Variants in CRY1 observed in about 807,000 individuals in gnomAD.
CRY1 encodes cryptochrome circadian regulator 1, also known as cryptochrome-1.
CRY1 carries 45 observed loss-of-function variants against 76.0 expected under a neutral mutation model. That is an observed-to-expected ratio of 0.59 (90% CI 0.47 to 0.76). The LOEUF is 0.76. Among genes scored for constraint, CRY1 ranks in the 30% least tolerant of loss-of-function variants. The probability of loss-of-function intolerance (pLI) is 0.00; values close to 1 mark genes in which losing one functional copy is unlikely to be tolerated. For synonymous variants in CRY1, 248 were observed against 244.0 expected (o/e 1.02, Z -0.15); for missense variants, 587 against 716.4 (o/e 0.82, Z 2.06).
At chr12:107,014,935 T>C (rs1215747170) in intron 2 of CRY1, among the ~76,000 whole-genome samples, 3 of 152,156 alleles carry the variant, frequency 2.0e-5, no homozygotes, top group African/African-American at 7.2e-5. Flanking sequence ...TAGAGCACAG[T>C]AGTGCAATCT....
At chr12:107,092,345 G>T (rs1367107142) in intron 1 of CRY1, among the ~76,000 whole-genome samples, 4 of 152,158 alleles carry the variant, frequency 2.6e-5, no homozygotes, top group African/African-American at 7.2e-5. Context: ...GTAACCTCAA[G>T]GTGGAAGAAC....
intron 2 of CRY1, among the ~76,000 whole-genome samples, chr12:107,011,786 T>C (rs1380386926): frequency 6.6e-6 from 1 of 152,238 alleles, no homozygotes; most frequent in East Asian, 1.9e-4. Flanking sequence ...TCCAGATCTA[T>C]CTAAGATAAT....
At chr12:107,023,270 G>A (rs7973608) in intron 1 of CRY1, among the ~76,000 whole-genome samples, 6,610 of 152,198 alleles carry the variant, frequency 0.043, 273 homozygotes, top group African/African-American at 0.11. Flanking sequence ...AATTCTAGAA[G>A]TGCACTATCT....
chr12:107,009,601 T>TAA (rs56372800), intron 2 of CRY1, among the ~76,000 whole-genome samples: 1 of 18,316 alleles, frequency 5.5e-5, no homozygotes, highest in Non-Finnish European at 9.9e-5. Flanking sequence ...TATATATATA[T>TAA]AAAATCTCTA....
chr12:107,060,598 TC>T (rs1953034375), intron 1 of CRY1, among the ~76,000 whole-genome samples: 1 of 152,186 alleles, frequency 6.6e-6, no homozygotes, highest in African/African-American at 2.4e-5. Flanking sequence ...AAGTTAAATA[TC>T]CTACCCAGGT....
At chr12:107,080,565 A>G (rs1593543606) in intron 1 of CRY1, among the ~76,000 whole-genome samples, 2 of 152,088 alleles carry the variant, frequency 1.3e-5, no homozygotes, top group East Asian at 3.9e-4. Flanking sequence ...GAACACTAAT[A>G]GCGCTGGCAG....
At chr12:107,001,254 T>C in intron 5 of CRY1, 26 bp downstream of exon 5, 2 of 1,527,158 alleles carry the variant, frequency 1.3e-6, no homozygotes, top group Admixed American at 1.9e-5. Context: ...AATACAAGCA[T>C]AGCTATATAA....
intron 1 of CRY1, among the ~76,000 whole-genome samples, chr12:107,077,321 G>GA (rs1394037581): frequency 6.6e-6 from 1 of 152,154 alleles, no homozygotes; most frequent in Non-Finnish European, 1.5e-5. Context: ...TTAGTGGTGT[G>GA]AAAGTTTCCT....
intron 4 of CRY1, 124 bp downstream of exon 4, chr12:107,001,640 C>T: frequency 3.6e-6 from 3 of 842,080 alleles, no homozygotes; most frequent in South Asian, 4.1e-5. Context: ...TTTTCTTCTC[C>T]CCCTGCCCTT....
intron 1 of CRY1, among the ~76,000 whole-genome samples, chr12:107,083,651 C>T (rs1316908071): frequency 2.6e-5 from 4 of 152,120 alleles, no homozygotes; most frequent in Admixed American, 6.6e-5. Flanking sequence ...CCGCTTCATG[C>T]TAAAAACTCT....
At chr12:107,058,265 TA>T (rs1490556090) in intron 1 of CRY1, among the ~76,000 whole-genome samples, 2 of 152,044 alleles carry the variant, frequency 1.3e-5, no homozygotes, top group Non-Finnish European at 2.9e-5. Context: ...TAGCACCTGG[TA>T]AATACATACA....
At chr12:107,092,564 A>C (rs971746470) in intron 1 of CRY1, among the ~76,000 whole-genome samples, 1 of 152,222 alleles carries the variant, frequency 6.6e-6, no homozygotes, top group Non-Finnish European at 1.5e-5. Flanking sequence ...GAGGAGCTCC[A>C]GTTAGCACAG....
chr12:107,044,036 T>C (rs1412301440), intron 1 of CRY1, among the ~76,000 whole-genome samples: 1 of 152,136 alleles, frequency 6.6e-6, no homozygotes, highest in East Asian at 1.9e-4. Context: ...GGCTGCTAGA[T>C]GGTACCTGAG....
rs924802935 is a variant in CRY1, at chr12:106,991,603, A to G, written c.*399T>C. 2 of 152,628 alleles carry G rather than the reference A, an allele frequency of 1.3e-5. No homozygotes were observed. The highest frequency in any genetic ancestry group is 1.3e-4 in the Admixed American group (2 of 15,278). 9.5% of individuals were successfully genotyped at this position (152,628 alleles called of 1,614,324 possible). A position where few individuals can be genotyped will look rare whatever the true frequency, so the allele number is the denominator to read the frequency against. ...AGTTAGATCAAACAACATCAAGAAAATTCTGTCCTAAAATTTTAACGTCTT... is the reference window on the plus strand; with the variant it reads ...AGTTAGATCAAACAACATCAAGAAAGTTCTGTCCTAAAATTTTAACGTCTT... On this transcript the variant is annotated 3_prime_UTR_variant, in exon 13 of 13. Transcript: ENST00000008527.
intron 1 of CRY1, among the ~76,000 whole-genome samples, chr12:107,022,532 T>C (rs1271706586): frequency 6.6e-6 from 1 of 152,024 alleles, no homozygotes; most frequent in Non-Finnish European, 1.5e-5. Flanking sequence ...ATTTTCTGTA[T>C]GAAAATGGCT....
intron 2 of CRY1, among the ~76,000 whole-genome samples, chr12:107,010,223 T>C (rs886217080): frequency 1.3e-5 from 2 of 152,318 alleles, no homozygotes; most frequent in South Asian, 2.1e-4. Context: ...TCTAGTGATG[T>C]CCTCTTTCTT....
At position 107,056,904 on chromosome 12, in the gene CRY1, A is replaced by G. The variant is rs140077456; in HGVS notation, c.159-34712T>C. Among the ~76,000 whole-genome samples the G allele has an allele frequency of 3.3e-5, 5 of 152,314 alleles. No individual in the cohort carries two copies. In the East Asian group the frequency reaches 7.7e-4, roughly 23 times the overall value. On this transcript the variant is annotated intron_variant, in intron 1 of 12. Transcript: ENST00000008527. ...AACCTAAAATTCTATATTCATGAAG[A>G]TATCTTTCAAGAATTAAGACAAACA...
intron 1 of CRY1, chr12:107,050,237 T>C (rs1158883483): frequency 6.6e-6 from 1 of 150,924 alleles, no homozygotes; most frequent in Non-Finnish European, 1.5e-5. Flanking sequence ...GGAGGGAAGT[T>C]TGGAAGAAGG....
intron 5 of CRY1, 51 bp from the exon 6 acceptor site, chr12:107,000,133 A>G (rs904814548): frequency 1.3e-6 from 2 of 1,519,636 alleles, no homozygotes; most frequent in East Asian, 4.6e-5. Flanking sequence ...TTTCATTTTA[A>G]AAGAACACTC....
Sources: allele counts gnomAD v4.1 joint callset (sites outside exome capture counted in the v4.1 genomes callset), GRCh38; gene constraint gnomAD v4.1.1; transcripts MANE v1.5; gene names NCBI Gene and HGNC (gene_info 2026-07-23, HGNC 2026-07-21).